CAMKK2: variants seen among roughly 807,000 people sequenced by gnomAD.
The protein encoded by CAMKK2 is calcium/calmodulin dependent protein kinase kinase 2, also known as calcium/calmodulin-dependent protein kinase kinase 2.
In CAMKK2, 30 loss-of-function variants were observed where a neutral mutation model predicts 67.2. That is an observed-to-expected ratio of 0.45 (90% CI 0.33 to 0.61). CAMKK2 has a LOEUF of 0.61. Ranked by LOEUF, CAMKK2 falls within the 20% of genes least tolerant of loss-of-function variation. The pLI is 0.02. For missense variants in CAMKK2, 643 were observed against 802.0 expected, an observed-to-expected ratio of 0.80 and a Z score of 2.39; for synonymous variants, 322 against 326.2, an observed-to-expected ratio of 0.99 and a Z score of 0.14.
chr12:121,254,315 G>A (rs780399592), intron 9 of CAMKK2, among the ~76,000 whole-genome samples: 3 of 151,946 alleles, frequency 2.0e-5, no homozygotes, highest in East Asian at 1.9e-4. Context: ...AAAATTAGCC[G>A]GGCATGGTGG....
chr12:121,280,858 T>C (rs1897645734), intron 1 of CAMKK2, among the ~76,000 whole-genome samples: 1 of 151,578 alleles, frequency 6.6e-6, no homozygotes, highest in Non-Finnish European at 1.5e-5. Flanking sequence ...AATGACAATG[T>C]TGCCCGAAAC....
intron 1 of CAMKK2, among the ~76,000 whole-genome samples, chr12:121,291,779 T>G (rs1469052181): frequency 6.6e-6 from 1 of 152,168 alleles, no homozygotes; most frequent in East Asian, 1.9e-4. Flanking sequence ...AAGTTTGGGC[T>G]GGGCATGGTG....
intron 5 of CAMKK2, among the ~76,000 whole-genome samples, chr12:121,265,919 G>A (rs1034887664): frequency 1.7e-4 from 26 of 151,938 alleles, no homozygotes; most frequent in Middle Eastern, 3.4e-3. Flanking sequence ...GTAAGGATGC[G>A]GTCAGAAGGC....
chr12:121,256,702 T>A (rs1007721096), intron 7 of CAMKK2, among the ~76,000 whole-genome samples: 1 of 152,222 alleles, frequency 6.6e-6, no homozygotes, highest in Non-Finnish European at 1.5e-5. Flanking sequence ...AGCACGTTTT[T>A]AAGGTTCATC....
rs199941445 is a variant in CAMKK2 at position 121,293,935 on chromosome 12, TTTTG to T, written c.-60+2699_-60+2702del. ...TGGGGGAGGGTGATTTTTTTTTGTT[TTTTG>T]TTTGTTTTTTGAGAGGAAGTCTCCT... On this transcript the variant is annotated intron_variant, in intron 1 of 16. Coordinates refer to ENST00000404169, the MANE Select transcript of CAMKK2 (RefSeq NM_001270485.2). Among the ~76,000 whole-genome samples the T allele has an allele frequency of 1.0e-3, 157 of 152,144 alleles. 2 individuals carry two copies. The East Asian group carries it at 0.027, about 26-fold the overall frequency.
At chr12:121,289,877 A>G (rs1281029324) in intron 1 of CAMKK2, among the ~76,000 whole-genome samples, 1 of 145,986 alleles carries the variant, frequency 6.8e-6, no homozygotes, top group Non-Finnish European at 1.5e-5. Flanking sequence ...TGAGAGACAG[A>G]GCAAGACCCT....
intron 1 of CAMKK2, among the ~76,000 whole-genome samples, chr12:121,278,058 G>T (rs1436661095): frequency 6.6e-6 from 1 of 152,174 alleles, no homozygotes; most frequent in African/African-American, 2.4e-5. Flanking sequence ...GATGCTACGG[G>T]ATCAGACGGG....
rs1386838778 is a variant in CAMKK2, at chr12:121,270,981, T to C, written c.472-36A>G. 3 of 1,596,942 alleles carry C rather than the reference T, an allele frequency of 1.9e-6. No individual in the cohort carries two copies. In the East Asian group the frequency reaches 6.7e-5, roughly 36 times the overall value. On this transcript the variant is annotated intron_variant, in intron 2 of 16. Transcript: ENST00000404169. ...AGGAGAGACACGTGCAAAATGAATT[T>C]TAAGTTTGCAACTAGAGGCCAGGCA...
rs138319006 is a variant in CAMKK2 at position 121,281,863 on chromosome 12, T to C, written c.-59-7278A>G. Among the ~76,000 whole-genome samples, 1,064 of 152,316 alleles carry C rather than the reference T, an allele frequency of 7.0e-3. 12 individuals carry two copies. The highest frequency in any genetic ancestry group is 0.025 in the African/African-American group (1,036 of 41,560). ...TGGGAGGCTGAGGCAGGAGAATCGC[T>C]TGAGCCTGGGAGGCAGAGGTTGTGG... is the stretch of plus-strand genomic sequence containing the variant. On this transcript the variant is annotated intron_variant, in intron 1 of 16. Transcript: ENST00000404169.
rs1377495943 is a variant in CAMKK2 at position 121,240,670 on chromosome 12, G to T, written c.*29C>A. ...AGCAGCCCCCCAGAGGCGACGCGGCGCGCATGCGAGGTCGAGCGATCCAGG... is the reference window on the plus strand; with the variant it reads ...AGCAGCCCCCCAGAGGCGACGCGGCTCGCATGCGAGGTCGAGCGATCCAGG... On this transcript the variant is annotated 3_prime_UTR_variant, in exon 17 of 17. Transcript: ENST00000404169. The surrounding 1 kb of genome is among the most constrained non-coding windows in gnomAD (Gnocchi z 4.4). 1.3e-6 allele frequency: 2 copies of T among 1,565,064 alleles called. No homozygotes were observed. The highest frequency in any genetic ancestry group is 1.7e-6 in the Non-Finnish European group (2 of 1,160,762).
At chr12:121,297,643 G>T (rs746670683), upstream of CAMKK2, 1 of 517,792 alleles carries the variant, frequency 1.9e-6, no homozygotes. Context: ...CCGTCCTACG[G>T]GGTCGAGCGA....
intron 1 of CAMKK2, among the ~76,000 whole-genome samples, chr12:121,287,936 C>T (rs1004795418): frequency 1.3e-5 from 2 of 152,192 alleles, no homozygotes; most frequent in Admixed American, 6.5e-5. Context: ...TGCACCATTG[C>T]ATTCCAGCCT....
intron 10 of CAMKK2, 150 bp from the exon 11 acceptor site, chr12:121,252,864 A>ATC (rs1237649300): frequency 6.8e-6 from 5 of 739,834 alleles, no homozygotes; most frequent in Non-Finnish European, 1.1e-5. Flanking sequence ...CAGGCACAGG[A>ATC]TCCAGGCCAG....
chr12:121,247,569 G>C (rs1417844692), intron 14 of CAMKK2, among the ~76,000 whole-genome samples: 1 of 152,214 alleles, frequency 6.6e-6, no homozygotes, highest in East Asian at 1.9e-4. Context: ...CAGGCACAAG[G>C]GGTGGTTGAG....
Position 121,253,538 on chromosome 12 carries a change from C to A in CAMKK2, c.908-66G>T, listed in dbSNP as rs1352787828. The A allele has an allele frequency of 1.5e-6, 2 of 1,355,896 alleles. No individual in the cohort carries two copies. Among genetic ancestry groups the A allele is most frequent in the South Asian group, 1.2e-5 (1 of 85,782 alleles). 84.0% of individuals were successfully genotyped at this position (1,355,896 alleles called of 1,614,324 possible). A position where few individuals can be genotyped will look rare whatever the true frequency, so the allele number is the denominator to read the frequency against. The stretch of plus-strand genomic sequence containing the variant: ...AAACCTCGTGAGCACCTCTATGCGG[C>A]CACATGGCCTGGAGACACAGGCATG... On this transcript the variant is annotated intron_variant, in intron 9 of 16. Coordinates refer to ENST00000404169, the MANE Select transcript of CAMKK2 (RefSeq NM_001270485.2). The surrounding 1 kb of genome is among the most constrained non-coding windows in gnomAD (Gnocchi z 5.0).
rs1009522022 is a variant in CAMKK2, at chr12:121,240,338, G to A, written c.*361C>T. The A allele has an allele frequency of 8.4e-7, 1 of 1,184,588 alleles. No individual in the cohort carries two copies. The highest frequency in any genetic ancestry group is 1.2e-6 in the Non-Finnish European group (1 of 859,242). 73.4% of individuals were successfully genotyped at this position (1,184,588 alleles called of 1,614,324 possible). A position where few individuals can be genotyped will look rare whatever the true frequency, so the allele number is the denominator to read the frequency against. On this transcript the variant is annotated 3_prime_UTR_variant, in exon 17 of 17. Coordinates refer to ENST00000404169, the MANE Select transcript of CAMKK2 (RefSeq NM_001270485.2). The surrounding 1 kb of genome is among the most constrained non-coding windows in gnomAD (Gnocchi z 4.4). ...GTTTTCTGCTCGCCTTTCCACAGTTGTCAAACCCCACACACAGTCACTTGG... is the reference window on the plus strand; with the variant it reads ...GTTTTCTGCTCGCCTTTCCACAGTTATCAAACCCCACACACAGTCACTTGG...
intron 3 of CAMKK2, 65 bp from the exon 4 acceptor site, chr12:121,269,646 A>G: frequency 7.8e-7 from 1 of 1,279,584 alleles, no homozygotes; most frequent in South Asian, 1.3e-5. Flanking sequence ...TGAGAACCCT[A>G]ATACAGACGT....
rs531565770 is a variant in CAMKK2 at position 121,291,610 on chromosome 12, G to A, written c.-60+5028C>T. Among the ~76,000 whole-genome samples the A allele has an allele frequency of 4.6e-4, 70 of 152,284 alleles. 1 individual carries two copies. The highest frequency in any genetic ancestry group is 9.8e-4 in the Admixed American group (15 of 15,280). On this transcript the variant is annotated intron_variant, in intron 1 of 16. Coordinates refer to ENST00000404169, the MANE Select transcript of CAMKK2 (RefSeq NM_001270485.2). ...CAGAAAGTAGGCTGGTGGTTGCCAG[G>A]GGCTGCAGGGAGGGGCACTGGGAAG...
At chr12:121,249,923 T>TCGGACAGGAGAGATGCGGGA in intron 12 of CAMKK2, 38 bp downstream of exon 12, 4 of 1,613,154 alleles carry the variant, frequency 2.5e-6, no homozygotes, top group Non-Finnish European at 3.4e-6. Context: ...CGCCAAGAAC[T>TCGGACAGGAGAGATGCGGGA]CGGACAGGAG....
Sources: allele counts gnomAD v4.1 joint callset (sites outside exome capture counted in the v4.1 genomes callset), GRCh38; gene constraint gnomAD v4.1.1; non-coding constraint Gnocchi (gnomAD v3.1); transcripts MANE v1.5; gene names NCBI Gene and HGNC (gene_info 2026-07-23, HGNC 2026-07-21).